Variants in LCLAT1 observed in about 807,000 individuals in gnomAD.
LCLAT1 encodes lysocardiolipin acyltransferase 1, also known as 1-AGP acyltransferase 8.
Under a neutral mutation model 30.7 loss-of-function variants are expected in LCLAT1, and 11 were observed. The observed-to-expected ratio is 0.36, with a 90% CI of 0.23 to 0.59. The LOEUF (loss-of-function observed/expected upper bound fraction) is 0.59. Ranked by LOEUF, LCLAT1 falls within the 20% of genes least tolerant of loss-of-function variation. The pLI, the probability that LCLAT1 is intolerant of heterozygous loss-of-function variation, is 0.77. For synonymous variants in LCLAT1, 155 were observed against 151.3 expected (o/e 1.02, Z -0.18); for missense variants, 402 against 458.6 (o/e 0.88, Z 1.13).
chr2:30,532,594 T>C (rs544757357), intron 2 of LCLAT1, among the ~76,000 whole-genome samples: 53 of 152,270 alleles, frequency 3.5e-4, no homozygotes, highest in African/African-American at 1.2e-3. Context: ...TACTAAGGCT[T>C]GTAGTATTTT....
chr2:30,580,956 T>A (rs1227038667), intron 5 of LCLAT1, among the ~76,000 whole-genome samples: 1 of 152,144 alleles, frequency 6.6e-6, no homozygotes, highest in Non-Finnish European at 1.5e-5. Flanking sequence ...ATCTTATGGT[T>A]GGGAGTAGGT....
intron 1 of LCLAT1, among the ~76,000 whole-genome samples, chr2:30,489,544 G>A (rs1396115006): frequency 6.6e-6 from 1 of 152,152 alleles, no homozygotes; most frequent in Non-Finnish European, 1.5e-5. Context: ...AGTAGAGACA[G>A]CGTTTCACCA....
chr2:30,619,637 A>C (rs1178635847), intron 5 of LCLAT1, among the ~76,000 whole-genome samples: 1 of 152,218 alleles, frequency 6.6e-6, no homozygotes, highest in East Asian at 1.9e-4. Context: ...GAAGGCCACT[A>C]TTCAACCCAG....
intron 5 of LCLAT1, among the ~76,000 whole-genome samples, chr2:30,608,314 A>T (rs1667561156): frequency 6.6e-6 from 1 of 151,954 alleles, no homozygotes; most frequent in African/African-American, 2.4e-5. Flanking sequence ...AAAAAAAAAA[A>T]ATTTATAAGT....
intron 1 of LCLAT1, among the ~76,000 whole-genome samples, chr2:30,450,993 T>G (rs1362138928): frequency 6.7e-6 from 1 of 149,422 alleles, no homozygotes; most frequent in African/African-American, 2.4e-5. Flanking sequence ...GTGTGTGTGT[T>G]TATTTGTGTG....
chr2:30,477,301 T>A (rs1265589402), intron 1 of LCLAT1, among the ~76,000 whole-genome samples: 1 of 152,226 alleles, frequency 6.6e-6, no homozygotes, highest in African/African-American at 2.4e-5. Flanking sequence ...AGAGCTAGCC[T>A]TTTGATGCCT....
At chr2:30,522,720 T>A (rs1196663709) in intron 1 of LCLAT1, among the ~76,000 whole-genome samples, 1 of 152,234 alleles carries the variant, frequency 6.6e-6, no homozygotes, top group African/African-American at 2.4e-5. Context: ...TTAGATTTGG[T>A]CTGAGTAATC....
chr2:30,562,095 G>A, intron 3 of LCLAT1, 51 bp from the exon 4 acceptor site: 1 of 1,352,658 alleles, frequency 7.4e-7, no homozygotes, highest in Non-Finnish European at 1.0e-6. Flanking sequence ...AATAATATGT[G>A]GATATTGGCA....
intron 5 of LCLAT1, among the ~76,000 whole-genome samples, chr2:30,602,785 CTGGAG>C (rs1667249834): frequency 6.6e-6 from 1 of 152,072 alleles, no homozygotes; most frequent in African/African-American, 2.4e-5. Flanking sequence ...CAGGTTGATC[CTGGAG>C]TGCTACTCTT....
At chr2:30,525,301 T>G (rs559665170) in intron 1 of LCLAT1, among the ~76,000 whole-genome samples, 1 of 152,156 alleles carries the variant, frequency 6.6e-6, no homozygotes. Context: ...GGTCTCGAAC[T>G]CCTGGCCTCA....
chr2:30,452,602 T>C (rs1681612884), intron 1 of LCLAT1, among the ~76,000 whole-genome samples: 1 of 152,210 alleles, frequency 6.6e-6, no homozygotes, highest in Non-Finnish European at 1.5e-5. Context: ...ATGAACATAA[T>C]AGATTTTTTT....
chr2:30,637,302 G>A, intron 5 of LCLAT1, among the ~76,000 whole-genome samples: 1 of 151,524 alleles, frequency 6.6e-6, no homozygotes, highest in East Asian at 1.9e-4. Context: ...CTCTCATGAA[G>A]TAATAGAGAT....
intron 1 of LCLAT1, among the ~76,000 whole-genome samples, chr2:30,487,500 C>T (rs986619582): frequency 1.3e-5 from 2 of 152,112 alleles, no homozygotes; most frequent in African/African-American, 4.8e-5. Context: ...ATGTTCTGGG[C>T]CCTGGGGGGT....
At chr2:30,536,434 C>T (rs1686246347) in intron 3 of LCLAT1, among the ~76,000 whole-genome samples, 1 of 152,156 alleles carries the variant, frequency 6.6e-6, no homozygotes, top group African/African-American at 2.4e-5. Context: ...AGACTAATGG[C>T]AGATTTCTTA....
intron 5 of LCLAT1, among the ~76,000 whole-genome samples, chr2:30,585,476 A>G (rs776157626): frequency 6.6e-6 from 1 of 152,160 alleles, no homozygotes. Context: ...CACCGTCTGC[A>G]TGATAACTCA....
intron 1 of LCLAT1, among the ~76,000 whole-genome samples, chr2:30,511,828 G>A (rs1335713698): frequency 6.6e-6 from 1 of 152,200 alleles, no homozygotes; most frequent in Non-Finnish European, 1.5e-5. Context: ...GGTGCAGAGA[G>A]AGAAGGGAAT....
At chr2:30,474,841 G>A (rs971057217) in intron 1 of LCLAT1, among the ~76,000 whole-genome samples, 2 of 151,722 alleles carry the variant, frequency 1.3e-5, no homozygotes, top group Admixed American at 1.3e-4. Flanking sequence ...TTGTAGAGAT[G>A]AGGTCTCATT....
Position 30,588,790 on chromosome 2 carries a change from G to T in LCLAT1, c.628+20614G>T, listed in dbSNP as rs113048327. On this transcript the variant is annotated intron_variant, in intron 5 of 5. Coordinates refer to ENST00000379509, the MANE Select transcript of LCLAT1 (RefSeq NM_001002257.3). ...TAATTTTGTATTTTTAGTCGAGACAGGGTTTCTTCATGCTGGTCAGGCTGA... is the reference window on the plus strand; with the variant it reads ...TAATTTTGTATTTTTAGTCGAGACATGGTTTCTTCATGCTGGTCAGGCTGA... 8.8e-3 allele frequency among the ~76,000 whole-genome samples: 1,346 copies of T among 152,142 alleles called. 16 individuals carry two copies. The highest frequency in any genetic ancestry group is 0.03 in the African/African-American group (1,252 of 41,500).
At chr2:30,506,493 TAAAGTTTTTTATAATA>T (rs904195879) in intron 1 of LCLAT1, among the ~76,000 whole-genome samples, 4 of 152,108 alleles carry the variant, frequency 2.6e-5, no homozygotes, top group African/African-American at 9.7e-5. Flanking sequence ...TAAAGGAATT[TAAAGTTTTTTATAATA>T]AAAGACACGT....
Sources: gnomAD v4.1 joint callset for allele counts (sites outside exome capture counted in the v4.1 genomes callset) on GRCh38, gnomAD v4.1.1 for gene constraint, MANE v1.5 for transcripts, NCBI Gene and HGNC (gene_info 2026-07-23, HGNC 2026-07-21) for gene names.